ADGRG1: variants seen among roughly 807,000 people sequenced by gnomAD.
ADGRG1 encodes 7-transmembrane protein with no EGF-like N-terminal domains-1.
Under a neutral mutation model 73.5 loss-of-function variants are expected in ADGRG1, and 53 were observed. The observed-to-expected ratio is 0.72, with a 90% CI of 0.58 to 0.91. ADGRG1 has a LOEUF of 0.91. Among genes scored for constraint, ADGRG1 ranks in the 40% least tolerant of loss-of-function variants. ADGRG1 has a pLI of 0.00. For synonymous variants in ADGRG1, 394 were observed against 374.4 expected, an observed-to-expected ratio of 1.05 and a Z score of -0.60; for missense variants, 795 against 871.8, an observed-to-expected ratio of 0.91 and a Z score of 1.11.
At chr16:57,637,823 C>A (rs188341725) in intron 1 of ADGRG1, 7 of 464,854 alleles carry the variant, frequency 1.5e-5, no homozygotes, top group Non-Finnish European at 2.0e-5. Flanking sequence ...CAGAAATCAT[C>A]CCAAAGCCCC....
chr16:57,642,523 C>G, intron 1 of ADGRG1: 1 of 980,106 alleles, frequency 1.0e-6, no homozygotes, highest in Non-Finnish European at 1.2e-6. Flanking sequence ...AAAAAAGGCT[C>G]TACCTTCACG....
chr16:57,620,780 TCC>T (rs2034644913), upstream of ADGRG1: 1 of 152,130 alleles, frequency 6.6e-6, no homozygotes, highest in East Asian at 1.9e-4. Context: ...AAACGGTCCC[TCC>T]CTCCACCGGC....
intron 11 of ADGRG1, chr16:57,660,120 AC>A (rs2148554544): frequency 3.3e-6 from 1 of 298,896 alleles, no homozygotes; most frequent in Admixed American, 6.5e-5. Flanking sequence ...TTGGCCAATG[AC>A]TGTTCAATTC....
chr16:57,658,061 TGA>T (rs2046186814), intron 10 of ADGRG1, among the ~76,000 whole-genome samples: 1 of 152,112 alleles, frequency 6.6e-6, no homozygotes, highest in Non-Finnish European at 1.5e-5. Context: ...CATTTAAAAT[TGA>T]GAGAGTCCAC....
rs2044637858 is a variant in ADGRG1 at position 57,653,415 on chromosome 16, A to G, written c.620+80A>G. ...ACCTGGGCAGGGTGGGACCTGGAGT[A>G]GGGGCTACTGCGAGGCCTTCCCTGG... On this transcript the variant is annotated intron_variant, in intron 4 of 13. Coordinates refer to ENST00000562631, the MANE Select transcript of ADGRG1 (RefSeq NM_201525.4). The G allele has an allele frequency of 6.3e-6, 10 of 1,590,504 alleles. No homozygotes were observed. The Admixed American group carries it at 6.8e-5, about 11-fold the overall frequency.
At chr16:57,635,233 A>T (rs1487615678) in intron 1 of ADGRG1, 2 of 985,260 alleles carry the variant, frequency 2.0e-6, no homozygotes, top group Non-Finnish European at 2.4e-6. Context: ...CAGTGGGCAA[A>T]GCTGGAAGAA....
chr16:57,637,574 C>A (rs558805642), intron 1 of ADGRG1: 1 of 985,292 alleles, frequency 1.0e-6, no homozygotes, highest in Non-Finnish European at 1.2e-6. Context: ...TGAGCCTTTC[C>A]GGGAGAAGGT....
chr16:57,622,295 T>C (rs1219771622), intron 2 of ADGRG1, among the ~76,000 whole-genome samples: 1 of 152,048 alleles, frequency 6.6e-6, no homozygotes, highest in East Asian at 1.9e-4. Context: ...AATCTCATGA[T>C]TGGCTATTCA....
At chr16:57,627,087 G>A, upstream of ADGRG1, 1 of 984,702 alleles carries the variant, frequency 1.0e-6, no homozygotes, top group Non-Finnish European at 1.2e-6. Flanking sequence ...TTTTCTGGAA[G>A]CTCTCACCTT....
intron 8 of ADGRG1, 32 bp from the exon 9 acceptor site, chr16:57,656,482 T>C: frequency 1.3e-6 from 2 of 1,589,480 alleles, no homozygotes; most frequent in Non-Finnish European, 1.7e-6. Context: ...AGGACTGGAC[T>C]TGATTGGAGC....
At chr16:57,644,904 A>G (rs1473345489) in intron 1 of ADGRG1, among the ~76,000 whole-genome samples, 1 of 133,270 alleles carries the variant, frequency 7.5e-6, no homozygotes, top group African/African-American at 2.9e-5. Context: ...ACACACACTC[A>G]TCACTTCATA....
At chr16:57,626,512 T>C, upstream of ADGRG1, 1 of 827,824 alleles carries the variant, frequency 1.2e-6, no homozygotes, top group Non-Finnish European at 1.5e-6. Flanking sequence ...TGCCCCTAGC[T>C]CATAGTAGGT....
chr16:57,630,834 A>C, intron 1 of ADGRG1: 1 of 462,154 alleles, frequency 2.2e-6, no homozygotes, highest in Non-Finnish European at 2.8e-6. Flanking sequence ...GGGGAGTCCT[A>C]GTGGAGGAAA....
At chr16:57,653,171 C>A (rs749837931) in intron 3 of ADGRG1, 32 bp from the exon 4 acceptor site, 1 of 1,602,772 alleles carries the variant, frequency 6.2e-7, no homozygotes, top group African/African-American at 1.3e-5. Context: ...GAATCGGCAG[C>A]CTCGGCGGGG....
intron 10 of ADGRG1, chr16:57,659,151 G>C (rs2046438535): frequency 1.0e-6 from 1 of 985,276 alleles, no homozygotes. Flanking sequence ...TACTGTGGTT[G>C]TCTTCCTCGC....
chr16:57,624,456 G>C (rs1354629183), upstream of ADGRG1, among the ~76,000 whole-genome samples: 2 of 152,156 alleles, frequency 1.3e-5, no homozygotes, highest in Non-Finnish European at 2.9e-5. Flanking sequence ...AGCTATGATT[G>C]CATCACTACA....
chr16:57,629,690 C>T (rs2037186600), intron 1 of ADGRG1, among the ~76,000 whole-genome samples: 1 of 152,180 alleles, frequency 6.6e-6, no homozygotes. Flanking sequence ...GAACCGGTGA[C>T]AGGCAGACGG....
chr16:57,651,347 TC>T lies in ADGRG1; in HGVS notation c.215del (p.Pro72LeufsTer41), dbSNP rs2044043566. The T allele has an allele frequency of 1.2e-6, 2 of 1,614,116 alleles. No homozygotes were observed. Among genetic ancestry groups the T allele is most frequent in the East Asian group, 4.5e-5 (2 of 44,878 alleles). Reference protein sequence around the residue: ...SEEALTVHAPFPAAHPASRSF... With the variant: ...SEEALTVHAPXPAAHPASRSF... The stretch of plus-strand genomic sequence containing the variant: ...GAGGCCCTCACAGTCCATGCCCCTT[TC>T]CCTGCAGCCCACCCTGCTTCCCGAT... On this transcript the variant is annotated frameshift_variant, in exon 3 of 14. Coordinates refer to ENST00000562631, the MANE Select transcript of ADGRG1 (RefSeq NM_201525.4). LOFTEE classifies it high-confidence loss of function.
chr16:57,625,660 CAGAT>C, upstream of ADGRG1: 1 of 984,700 alleles, frequency 1.0e-6, no homozygotes, highest in Non-Finnish European at 1.2e-6. Flanking sequence ...AATACACATT[CAGAT>C]TCAGCAGGTC....
Sources: gnomAD v4.1 joint callset for allele counts (sites outside exome capture counted in the v4.1 genomes callset) on GRCh38, gnomAD v4.1.1 for gene constraint, MANE v1.5 for transcripts, NCBI Gene and HGNC (gene_info 2026-07-23, HGNC 2026-07-21) for gene names.